The following PLPPR1 variants were observed in gnomAD, a reference collection of about 807,000 sequenced individuals.
The protein encoded by PLPPR1 is phospholipid phosphatase-related protein type 1.
Under a neutral mutation model 33.1 loss-of-function variants are expected in PLPPR1, and 10 were observed. That is an observed-to-expected ratio of 0.30 (90% confidence interval 0.19 to 0.51). The LOEUF (loss-of-function observed/expected upper bound fraction) is 0.51, where lower values mean the gene tolerates loss of function less well. Ranked by LOEUF, PLPPR1 falls within the 20% of genes least tolerant of loss-of-function variation. PLPPR1 has a pLI of 0.97. For missense variants in PLPPR1, 304 were observed against 408.1 expected, an observed-to-expected ratio of 0.74 and a Z score of 2.20; for synonymous variants, 151 against 151.0, an observed-to-expected ratio of 1.00 and a Z score of 0.00.
chr9:101,294,229 A>C (rs916918203), intron 4 of PLPPR1, among the ~76,000 whole-genome samples: 7 of 151,948 alleles, frequency 4.6e-5, no homozygotes, highest in Non-Finnish European at 5.9e-5. Flanking sequence ...CTCGACACAT[A>C]CACCCTCCCA....
At chr9:101,282,941 T>A (rs1828329780) in intron 3 of PLPPR1, among the ~76,000 whole-genome samples, 1 of 152,182 alleles carries the variant, frequency 6.6e-6, no homozygotes, top group Admixed American at 6.5e-5. Flanking sequence ...ATTAATACTG[T>A]TAAAATGTTT....
At chr9:101,198,116 A>G (rs1174372949) in intron 2 of PLPPR1, among the ~76,000 whole-genome samples, 2 of 152,096 alleles carry the variant, frequency 1.3e-5, no homozygotes, top group African/African-American at 4.8e-5. Context: ...AGTTTTCCTT[A>G]TCTTCAGTCT....
rs756843224 is a variant in PLPPR1 at position 101,167,141 on chromosome 9, G to GGTGTGTGTGT, written c.-45-18276_-45-18267dup. The stretch of plus-strand genomic sequence containing the variant: ...TGCTGTCTCTGTCTTTATGTCTCTC[G>GGTGTGTGTGT]GTGTGTGTGTGTGTGTGTGTGTGTG... On this transcript the variant is annotated intron_variant, in intron 1 of 7. Transcript: ENST00000374874. Among the ~76,000 whole-genome samples, 130 of 39,736 alleles carry GGTGTGTGTGT rather than the reference G, an allele frequency of 3.3e-3. 6 individuals are homozygous for GGTGTGTGTGT. Among genetic ancestry groups the GGTGTGTGTGT allele is most frequent in the South Asian group, 9.5e-3 (6 of 630 alleles). The allele number at this position is 39,736 out of a possible 152,430, so 26.1% of individuals were successfully genotyped here.
intron 2 of PLPPR1, among the ~76,000 whole-genome samples, chr9:101,243,816 A>G (rs1202021206): frequency 6.6e-6 from 1 of 151,956 alleles, no homozygotes; most frequent in African/African-American, 2.4e-5. Flanking sequence ...AGTAAGGTCT[A>G]GAACTTAGGA....
At chr9:101,299,542 C>T (rs1007815065) in intron 4 of PLPPR1, among the ~76,000 whole-genome samples, 1 of 152,092 alleles carries the variant, frequency 6.6e-6, no homozygotes, top group African/African-American at 2.4e-5. Context: ...CAGATCTGAC[C>T]AAGACTCCTA....
At chr9:101,121,237 A>G (rs1831175341) in intron 1 of PLPPR1, among the ~76,000 whole-genome samples, 1 of 152,220 alleles carries the variant, frequency 6.6e-6, no homozygotes, top group Non-Finnish European at 1.5e-5. Context: ...GATGAGGAAT[A>G]TATTAGCATT....
rs112566918 is a variant in PLPPR1 at position 101,266,772 on chromosome 9, T to G, written c.64-3108T>G. On this transcript the variant is annotated intron_variant, in intron 2 of 7. Coordinates refer to ENST00000374874, the MANE Select transcript of PLPPR1 (RefSeq NM_207299.2). ...TATTTCAGTGTATTTGGTGTTAAGA[T>G]AGTTCTGTTTTAAGAGCTTCCATTC... Among the ~76,000 whole-genome samples the G allele has an allele frequency of 1.7e-3, 253 of 152,344 alleles. 2 individuals are homozygous for G. Among genetic ancestry groups the G allele is most frequent in the African/African-American group, 5.6e-3 (233 of 41,570 alleles).
chr9:101,142,522 G>C lies in PLPPR1; in HGVS notation c.-45-42928G>C, dbSNP rs376984389. Among the ~76,000 whole-genome samples the C allele has an allele frequency of 9.8e-4, 149 of 152,258 alleles. 1 individual carries two copies. The highest frequency in any genetic ancestry group is 3.2e-3 in the African/African-American group (134 of 41,546). ...TTCCTCTGTGATTAGTCTTTGCTTT[G>C]TCCCAGCTTGCTGTGTGGCCAGAAT... On this transcript the variant is annotated intron_variant, in intron 1 of 7. Coordinates refer to ENST00000374874, the MANE Select transcript of PLPPR1 (RefSeq NM_207299.2).
At chr9:101,112,142 G>A (rs1204577316) in intron 1 of PLPPR1, among the ~76,000 whole-genome samples, 3 of 152,102 alleles carry the variant, frequency 2.0e-5, no homozygotes, top group Non-Finnish European at 4.4e-5. Context: ...CATCTTACCT[G>A]CGTATTAGCT....
chr9:101,241,552 C>T (rs1354769945), intron 2 of PLPPR1, among the ~76,000 whole-genome samples: 1 of 152,106 alleles, frequency 6.6e-6, no homozygotes, highest in Non-Finnish European at 1.5e-5. Flanking sequence ...TGAGATAGAC[C>T]TTCACACCCC....
intron 3 of PLPPR1, among the ~76,000 whole-genome samples, chr9:101,283,349 A>G (rs77007808): frequency 0.056 from 8,547 of 152,292 alleles, 311 homozygotes; most frequent in Middle Eastern, 0.15. Flanking sequence ...GAACCCAGAA[A>G]TAAATCCACA....
At chr9:101,150,472 T>A (rs1831568177) in intron 1 of PLPPR1, among the ~76,000 whole-genome samples, 1 of 152,214 alleles carries the variant, frequency 6.6e-6, no homozygotes, top group Non-Finnish European at 1.5e-5. Flanking sequence ...AAGAGAACAG[T>A]TAAATTGGAG....
At chr9:101,114,156 C>T (rs1831092035) in intron 1 of PLPPR1, among the ~76,000 whole-genome samples, 1 of 152,342 alleles carries the variant, frequency 6.6e-6, no homozygotes, top group Admixed American at 6.5e-5. Context: ...GGAATCTTCT[C>T]AAACTGAGCT....
chr9:101,107,943 C>A (rs967526580), intron 1 of PLPPR1, among the ~76,000 whole-genome samples: 1 of 150,760 alleles, frequency 6.6e-6, no homozygotes, highest in African/African-American at 2.5e-5. Flanking sequence ...TTCTTTGACT[C>A]GGAAAGGGAA....
intron 2 of PLPPR1, among the ~76,000 whole-genome samples, chr9:101,218,557 TA>T (rs1156676057): frequency 1.3e-5 from 2 of 152,200 alleles, no homozygotes; most frequent in African/African-American, 4.8e-5. Context: ...ATGTGACACT[TA>T]AATGAAAAAT....
chr9:101,202,418 G>C (rs951216229), intron 2 of PLPPR1, among the ~76,000 whole-genome samples: 4 of 152,166 alleles, frequency 2.6e-5, no homozygotes, highest in African/African-American at 9.7e-5. Flanking sequence ...ATATTTAGAA[G>C]TCTAGTTATC....
chr9:101,112,119 A>C (rs1432180870), intron 1 of PLPPR1, among the ~76,000 whole-genome samples: 2 of 152,188 alleles, frequency 1.3e-5, no homozygotes, highest in South Asian at 2.1e-4. Context: ...GCAGTTTTAC[A>C]ATGTTATTTA....
chr9:101,146,029 T>A (rs1319686009), intron 1 of PLPPR1, among the ~76,000 whole-genome samples: 1 of 151,820 alleles, frequency 6.6e-6, no homozygotes, highest in Non-Finnish European at 1.5e-5. Context: ...AGAAAAAAAA[T>A]ATTCCTTAAA....
chr9:101,211,822 A>G (rs1826696427), intron 2 of PLPPR1, among the ~76,000 whole-genome samples: 1 of 152,216 alleles, frequency 6.6e-6, no homozygotes, highest in African/African-American at 2.4e-5. Flanking sequence ...AGCTAATACT[A>G]TATATCAGGC....
Sources: allele counts gnomAD v4.1 joint callset (sites outside exome capture counted in the v4.1 genomes callset), GRCh38; gene constraint gnomAD v4.1.1; transcripts MANE v1.5; gene names NCBI Gene and HGNC (gene_info 2026-07-23, HGNC 2026-07-21).